The following GRIK4 variants were observed in gnomAD, a reference collection of about 807,000 sequenced individuals.
GRIK4 encodes glutamate ionotropic receptor kainate type subunit 4.
In GRIK4, 40 loss-of-function variants were observed where a neutral mutation model predicts 104.9. The ratio of observed to expected loss-of-function variants is 0.38; its 90% CI spans 0.30 to 0.50. The LOEUF (loss-of-function observed/expected upper bound fraction) is 0.50, where lower values mean the gene tolerates loss of function less well. Ranked by LOEUF, GRIK4 falls within the 20% of genes least tolerant of loss-of-function variation. GRIK4 has a pLI of 0.93. For missense variants in GRIK4, 1,047 were observed against 1,308.1 expected (o/e 0.80, Z 3.08); for synonymous variants, 485 against 524.9 (o/e 0.92, Z 1.04).
chr11:120,808,731 T>C (rs750800382), intron 4 of GRIK4, among the ~76,000 whole-genome samples: 1 of 152,182 alleles, frequency 6.6e-6, no homozygotes, highest in Non-Finnish European at 1.5e-5. Context: ...GATGAGGCAA[T>C]TGTTTGCCTT....
At chr11:120,623,518 G>C (rs1315353347) in intron 1 of GRIK4, among the ~76,000 whole-genome samples, 1 of 152,108 alleles carries the variant, frequency 6.6e-6, no homozygotes, top group Admixed American at 6.5e-5. Context: ...GTGTGTTCCT[G>C]ACCCCCAACC....
At chr11:120,855,519 T>C (rs1371686369) in intron 8 of GRIK4, among the ~76,000 whole-genome samples, 10 of 152,064 alleles carry the variant, frequency 6.6e-5, no homozygotes, top group Admixed American at 6.5e-4. Flanking sequence ...AAGGCTTCTC[T>C]CTCAACACAA....
At chr11:120,602,048 C>T (rs369024300) in intron 1 of GRIK4, among the ~76,000 whole-genome samples, 1 of 152,010 alleles carries the variant, frequency 6.6e-6, no homozygotes, top group East Asian at 1.9e-4. Flanking sequence ...TTGCCAGAGT[C>T]CCTCTCCCCA....
At position 120,670,708 on chromosome 11, in the gene GRIK4, T is replaced by C. The variant is rs543165829; in HGVS notation, c.82+10308T>C. On this transcript the variant is annotated intron_variant, in intron 3 of 20. Transcript: ENST00000527524. ...CTCTGCTTCCTTTTTCTTTTTTTTA[T>C]TTTTATTTTTATTATACTTTAAGTT... Among the ~76,000 whole-genome samples the C allele has an allele frequency of 1.5e-3, 229 of 152,266 alleles. 2 individuals carry two copies. The highest frequency in any genetic ancestry group is 5.3e-3 in the African/African-American group (221 of 41,550).
chr11:120,733,373 G>GT (rs58429084), intron 3 of GRIK4, among the ~76,000 whole-genome samples: 46 of 150,966 alleles, frequency 3.0e-4, no homozygotes, highest in Non-Finnish European at 4.1e-4. Flanking sequence ...TTTTTTTTCT[G>GT]TTTTTTTTTG....
intron 1 of GRIK4, among the ~76,000 whole-genome samples, chr11:120,616,974 G>C (rs183865268): frequency 2.2e-4 from 34 of 152,298 alleles, no homozygotes; most frequent in African/African-American, 8.2e-4. Flanking sequence ...CTGCTAGAAT[G>C]ATCAAAGAGG....
At position 120,913,034 on chromosome 11, in the gene GRIK4, T is replaced by C. The variant is rs376487915; in HGVS notation, c.1476+7541T>C. Among the ~76,000 whole-genome samples, 4 of 152,234 alleles carry C rather than the reference T, an allele frequency of 2.6e-5. No homozygotes were observed. The East Asian group carries it at 5.8e-4, about 22-fold the overall frequency. On this transcript the variant is annotated intron_variant, in intron 13 of 20. Coordinates refer to ENST00000527524, the MANE Select transcript of GRIK4 (RefSeq NM_014619.5). ...CATTTGGGCAGTGACTGAATGTCTA[T>C]AAACTGCTTTCACAAGCATTAGCTC...
At chr11:120,684,902 G>A (rs1950252231) in intron 3 of GRIK4, among the ~76,000 whole-genome samples, 1 of 152,172 alleles carries the variant, frequency 6.6e-6, no homozygotes, top group African/African-American at 2.4e-5. Flanking sequence ...GTAGAGACGG[G>A]GTTTCACTGT....
chr11:120,537,703 C>T (rs535819805), intron 1 of GRIK4, among the ~76,000 whole-genome samples: 7 of 152,358 alleles, frequency 4.6e-5, no homozygotes, highest in Non-Finnish European at 7.4e-5. Flanking sequence ...TCCTCCTCGC[C>T]GCGCTGTGCA....
intron 1 of GRIK4, among the ~76,000 whole-genome samples, chr11:120,592,118 C>G (rs1397932258): frequency 6.6e-6 from 1 of 152,196 alleles, no homozygotes; most frequent in Non-Finnish European, 1.5e-5. Flanking sequence ...AGATTTGCTG[C>G]TGGGGTCCTT....
At chr11:120,698,317 A>G (rs979570752) in intron 3 of GRIK4, among the ~76,000 whole-genome samples, 1 of 152,228 alleles carries the variant, frequency 6.6e-6, no homozygotes, top group Non-Finnish European at 1.5e-5. Context: ...CCGAGTTTCC[A>G]GAAAGCTCCA....
At chr11:120,800,589 C>T (rs957302886) in intron 3 of GRIK4, among the ~76,000 whole-genome samples, 5 of 152,218 alleles carry the variant, frequency 3.3e-5, no homozygotes, top group Non-Finnish European at 5.9e-5. Context: ...TCCCAGAAGT[C>T]CACTTGATTG....
intron 3 of GRIK4, among the ~76,000 whole-genome samples, chr11:120,776,142 G>T (rs1362134229): frequency 6.6e-6 from 1 of 152,236 alleles, no homozygotes; most frequent in Non-Finnish European, 1.5e-5. Context: ...AGAAACATCT[G>T]CTCTCTGTTA....
At chr11:120,834,373 A>G (rs1362845073) in intron 7 of GRIK4, among the ~76,000 whole-genome samples, 2 of 151,768 alleles carry the variant, frequency 1.3e-5, no homozygotes, top group Non-Finnish European at 2.9e-5. Flanking sequence ...TCGATGCCTC[A>G]GGGCTGTCTT....
intron 13 of GRIK4, among the ~76,000 whole-genome samples, chr11:120,920,164 C>T (rs1943196363): frequency 6.6e-6 from 1 of 152,170 alleles, no homozygotes; most frequent in South Asian, 2.1e-4. Flanking sequence ...CCCAACGTTT[C>T]TCAACCCTGG....
intron 8 of GRIK4, among the ~76,000 whole-genome samples, chr11:120,856,165 G>A (rs753091940): frequency 9.2e-5 from 14 of 152,206 alleles, no homozygotes; most frequent in African/African-American, 2.2e-4. Context: ...GCTCTTACCC[G>A]CACTTTACAG....
At position 120,777,282 on chromosome 11, in the gene GRIK4, G is replaced by A. The variant is rs191380002; in HGVS notation, c.83-25411G>A. On this transcript the variant is annotated intron_variant, in intron 3 of 20. Coordinates refer to ENST00000527524, the MANE Select transcript of GRIK4 (RefSeq NM_014619.5). The stretch of plus-strand genomic sequence containing the variant: ...ATTCCAGCTACACAAACAGTTTGGT[G>A]TCATTTCTCTGTGACCATGGACCTG... Among the ~76,000 whole-genome samples the A allele has an allele frequency of 9.2e-5, 14 of 152,292 alleles. No individual in the cohort carries two copies. In the East Asian group the frequency reaches 2.7e-3, roughly 29 times the overall value.
At position 120,940,411 on chromosome 11, in the gene GRIK4, C is replaced by T. The variant is rs1429190518; in HGVS notation, c.1541C>T (p.Ser514Phe). The T allele has an allele frequency of 1.1e-5, 17 of 1,613,344 alleles. No homozygotes were observed. Among genetic ancestry groups the T allele is most frequent in the Non-Finnish European group, 1.3e-5 (15 of 1,179,388 alleles). The part of the protein sequence containing the change: ...TAEREKVIDF[S>F]KPFMTLGISI... ...GAACGGGAGAAGGTGATTGATTTCT[C>T]TAAGCCATTCATGACTCTGGGAATT... Residue 514 changes from serine (S) to phenylalanine (F), a missense_variant, in exon 14 of 21, where the codon TCT becomes TTT. Coordinates refer to ENST00000527524, the MANE Select transcript of GRIK4 (RefSeq NM_014619.5). This position sits in a 1 kb window ranked among gnomAD's most constrained non-coding sequence, Gnocchi z 4.3.
At chr11:120,847,706 C>G (rs1188894998) in intron 8 of GRIK4, among the ~76,000 whole-genome samples, 1 of 152,232 alleles carries the variant, frequency 6.6e-6, no homozygotes, top group Non-Finnish European at 1.5e-5. Context: ...TCATATTACT[C>G]CCCATGGACA....
Sources: allele counts gnomAD v4.1 joint callset (sites outside exome capture counted in the v4.1 genomes callset), GRCh38; gene constraint gnomAD v4.1.1; non-coding constraint Gnocchi (gnomAD v3.1); transcripts MANE v1.5; gene names NCBI Gene and HGNC (gene_info 2026-07-23, HGNC 2026-07-21).